UXS1: variants seen among roughly 807,000 people sequenced by gnomAD.
The protein encoded by UXS1 is UDP-glucuronate decarboxylase 1, also known as UDP-glucuronic acid decarboxylase 1.
In UXS1, 33 loss-of-function variants were observed where a neutral mutation model predicts 62.6. That is an observed-to-expected ratio of 0.53 (90% CI 0.40 to 0.70). The LOEUF is 0.70. Ranked by LOEUF, UXS1 falls within the 30% of genes least tolerant of loss-of-function variation. The pLI, the probability that UXS1 is intolerant of heterozygous loss-of-function variation, is 0.00. For missense variants in UXS1, 434 were observed against 556.3 expected, an observed-to-expected ratio of 0.78 and a Z score of 2.21; for synonymous variants, 213 against 206.8, an observed-to-expected ratio of 1.03 and a Z score of -0.26.
In UXS1 at chr2:106,103,374, G is replaced by A. The variant is rs1677762031; in HGVS notation, c.923+1420C>T. On this transcript the variant is annotated intron_variant, in intron 11 of 14. Transcript: ENST00000283148. ...CTGGAGAAGCCTGGGCGCCACTGGT[G>A]AGGCAGCCCGAGGCAGGCACACATA... 2.0e-5 allele frequency among the ~76,000 whole-genome samples: 3 copies of A among 152,212 alleles called. No individual in the cohort carries two copies. The South Asian group carries it at 6.2e-4, about 31-fold the overall frequency.
In UXS1 at chr2:106,129,796, G is replaced by A. The variant is rs1680276637; in HGVS notation, c.473-18C>T. 1 of 1,559,296 alleles carries A rather than the reference G, an allele frequency of 6.4e-7. No individual in the cohort carries two copies. The highest frequency in any genetic ancestry group is 1.9e-5 in the Admixed American group (1 of 53,400). On this transcript the variant is annotated intron_variant, in intron 6 of 14. Coordinates refer to ENST00000283148, the MANE Select transcript of UXS1 (RefSeq NM_001253875.2). ...CTGGTCAACTAAAGGAGACAAAACA[G>A]AAGCCTATTACTTCAAAAAAGCACC...
chr2:106,179,572 A>T (rs1183568249), intron 1 of UXS1: 1 of 152,236 alleles, frequency 6.6e-6, no homozygotes, highest in Non-Finnish European at 1.5e-5. Flanking sequence ...CTGACCTTCA[A>T]ATCCCAAGAC....
At chr2:106,193,582 G>A (rs529189756) in intron 1 of UXS1, among the ~76,000 whole-genome samples, 1 of 152,134 alleles carries the variant, frequency 6.6e-6, no homozygotes, top group South Asian at 2.1e-4. Context: ...CCTAGAATGG[G>A]GATGCCGGTG....
At chr2:106,165,024 T>C (rs1683124500) in intron 2 of UXS1, among the ~76,000 whole-genome samples, 1 of 152,220 alleles carries the variant, frequency 6.6e-6, no homozygotes, top group Non-Finnish European at 1.5e-5. Context: ...ACCTAATGGA[T>C]TATTTCCACT....
intron 1 of UXS1, among the ~76,000 whole-genome samples, chr2:106,190,334 G>GA (rs1684836116): frequency 6.6e-6 from 1 of 152,008 alleles, no homozygotes; most frequent in Non-Finnish European, 1.5e-5. Context: ...GCAAAGAGAA[G>GA]AAAAAAATCA....
chr2:106,147,456 C>A (rs891060543), intron 5 of UXS1, among the ~76,000 whole-genome samples: 1 of 152,128 alleles, frequency 6.6e-6, no homozygotes, highest in Non-Finnish European at 1.5e-5. Flanking sequence ...CAAAGTTTTA[C>A]ACAAAGATTT....
intron 9 of UXS1, among the ~76,000 whole-genome samples, chr2:106,114,354 G>C (rs1205234783): frequency 6.6e-6 from 1 of 152,186 alleles, no homozygotes; most frequent in African/African-American, 2.4e-5. Context: ...CTAAGTCCAA[G>C]AATAAATCAA....
At position 106,182,892 on chromosome 2, in the gene UXS1, G is replaced by A. The variant is rs749020316; in HGVS notation, c.94+11256C>T. 9.2e-5 allele frequency among the ~76,000 whole-genome samples: 14 copies of A among 152,040 alleles called. 1 individual carries two copies. Among genetic ancestry groups the A allele is most frequent in the Middle Eastern group, 3.2e-3 (1 of 316 alleles). On this transcript the variant is annotated intron_variant, in intron 1 of 14. Transcript: ENST00000283148. ...GAGAGCGCTTCCGTTGGGATAGTGG[G>A]GTCCTCTCATTGAATTAAGAACCTA...
intron 5 of UXS1, among the ~76,000 whole-genome samples, chr2:106,150,807 G>A (rs1453951467): frequency 6.6e-6 from 1 of 152,232 alleles, no homozygotes; most frequent in Non-Finnish European, 1.5e-5. Flanking sequence ...GGAAGTTACA[G>A]GCACAGAACT....
At chr2:106,129,002 A>G (rs568904641) in intron 7 of UXS1, among the ~76,000 whole-genome samples, 7 of 152,294 alleles carry the variant, frequency 4.6e-5, no homozygotes, top group African/African-American at 1.7e-4. Context: ...GTTTTTTGAA[A>G]AAACTGTGCC....
intron 7 of UXS1, among the ~76,000 whole-genome samples, chr2:106,127,034 T>C (rs1268500059): frequency 6.6e-6 from 1 of 152,190 alleles, no homozygotes; most frequent in Non-Finnish European, 1.5e-5. Flanking sequence ...TGGAGCATAT[T>C]TCCCTCAAAA....
At chr2:106,157,942 A>G (rs1682571813) in intron 5 of UXS1, 116 bp downstream of exon 5, 6 of 914,958 alleles carry the variant, frequency 6.6e-6, no homozygotes, top group Admixed American at 4.6e-5. Context: ...TGGACATACT[A>G]TAAGCCACTG....
At chr2:106,141,541 T>C (rs1681095904) in intron 6 of UXS1, among the ~76,000 whole-genome samples, 1 of 150,532 alleles carries the variant, frequency 6.6e-6, no homozygotes, top group Admixed American at 6.6e-5. Context: ...CACTGCAGCC[T>C]CAACTTCCTG....
Position 106,112,720 on chromosome 2 carries a change from G to A in UXS1, c.805C>T (p.Pro269Ser). The change falls in exon 10 of 15, where the codon CCA becomes TCA. Residue 269 changes from proline to serine, a missense_variant. Pro to Ser is a moderately conservative substitution (Grantham distance 74). Transcript: ENST00000283148. ...RVARIFNTFG[P>S]RMHMNDGRVV... ...CGCCCATCGTTCATGTGCATGCGTG[G>A]CCCAAAGGTGTTGAAGATTCTGGCC... 1 of 1,613,998 alleles carries A rather than the reference G, an allele frequency of 6.2e-7. No individual in the cohort carries two copies. Among genetic ancestry groups the A allele is most frequent in the Non-Finnish European group, 8.5e-7 (1 of 1,179,894 alleles).
chr2:106,185,849 CA>C (rs1684518035), intron 1 of UXS1, among the ~76,000 whole-genome samples: 1 of 152,142 alleles, frequency 6.6e-6, no homozygotes, highest in African/African-American at 2.4e-5. Flanking sequence ...GCAGTGCAGG[CA>C]AAAGACAAGA....
intron 1 of UXS1, among the ~76,000 whole-genome samples, chr2:106,178,692 T>C (rs1684053000): frequency 6.6e-6 from 1 of 151,994 alleles, no homozygotes; most frequent in Non-Finnish European, 1.5e-5. Flanking sequence ...CCACATGGAG[T>C]AGGGCCCATG....
chr2:106,157,923 C>T, intron 5 of UXS1, 135 bp downstream of exon 5: 1 of 768,620 alleles, frequency 1.3e-6, no homozygotes, highest in Non-Finnish European at 2.1e-6. Flanking sequence ...GAATGCGGTG[C>T]TAACTCTGTG....
At position 106,146,388 on chromosome 2, in the gene UXS1, T is replaced by C. The variant is rs1427329539; in HGVS notation, c.292-1018A>G. Among the ~76,000 whole-genome samples the C allele has an allele frequency of 4.6e-5, 7 of 152,274 alleles. No homozygotes were observed. The East Asian group carries it at 1.4e-3, about 29-fold the overall frequency. The stretch of plus-strand genomic sequence containing the variant: ...AATAAAAGGTATACAAACTCCTAGG[T>C]CTATGGTTTTAAAACATGTAATTCT... On this transcript the variant is annotated intron_variant, in intron 5 of 14. Transcript: ENST00000283148.
chr2:106,168,840 C>T (rs993267087), intron 1 of UXS1, among the ~76,000 whole-genome samples: 11 of 152,052 alleles, frequency 7.2e-5, no homozygotes, highest in East Asian at 1.9e-4. Context: ...CAGTACCAGA[C>T]GAAAAAGTAT....
Sources: gnomAD v4.1 joint callset for allele counts (sites outside exome capture counted in the v4.1 genomes callset) on GRCh38, gnomAD v4.1.1 for gene constraint, MANE v1.5 for transcripts, NCBI Gene and HGNC (gene_info 2026-07-23, HGNC 2026-07-21) for gene names.